The following PEX5L variants were observed in gnomAD, a reference collection of about 807,000 sequenced individuals.
The protein encoded by PEX5L is PEX5-related protein.
PEX5L carries 30 observed loss-of-function variants against 84.0 expected under a neutral mutation model. The ratio of observed to expected loss-of-function variants is 0.36; its 90% CI spans 0.27 to 0.48. The LOEUF (loss-of-function observed/expected upper bound fraction) is 0.48. Ranked by LOEUF, PEX5L falls within the 20% of genes least tolerant of loss-of-function variation. The pLI, the probability that PEX5L is intolerant of heterozygous loss-of-function variation, is 0.99. For missense variants in PEX5L, 533 were observed against 754.6 expected, an observed-to-expected ratio of 0.71 and a Z score of 3.44; for synonymous variants, 270 against 283.1, an observed-to-expected ratio of 0.95 and a Z score of 0.46.
chr3:179,988,258 G>A (rs4855133), intron 1 of PEX5L, among the ~76,000 whole-genome samples: 59,986 of 151,670 alleles, frequency 0.4, 12,609 homozygotes, highest in African/African-American at 0.55. Context: ...AAAATTAGCC[G>A]GGTGTGGTCA....
intron 1 of PEX5L, among the ~76,000 whole-genome samples, chr3:180,015,517 G>A (rs1789866238): frequency 6.6e-6 from 1 of 152,138 alleles, no homozygotes; most frequent in Admixed American, 6.5e-5. Flanking sequence ...TGGTGAGAGA[G>A]TCTTTAAAAT....
intron 2 of PEX5L, among the ~76,000 whole-genome samples, chr3:179,963,661 T>C (rs1327110254): frequency 1.3e-5 from 2 of 152,192 alleles, no homozygotes; most frequent in African/African-American, 2.4e-5. Context: ...TATAAACATG[T>C]AAAAAAGCAG....
intron 8 of PEX5L, among the ~76,000 whole-genome samples, chr3:179,840,848 G>A (rs1736981946): frequency 6.6e-6 from 1 of 152,094 alleles, no homozygotes; most frequent in African/African-American, 2.4e-5. Context: ...AAAATCAAGA[G>A]CTCGCTTTTA....
chr3:179,856,949 A>G (rs1201734286), intron 8 of PEX5L, among the ~76,000 whole-genome samples: 3 of 152,220 alleles, frequency 2.0e-5, no homozygotes, highest in Admixed American at 2.0e-4. Flanking sequence ...GGTTTGTCCA[A>G]ATTGGTCCTG....
intron 1 of PEX5L, among the ~76,000 whole-genome samples, chr3:180,000,719 G>A (rs183600561): frequency 6.6e-5 from 10 of 152,208 alleles, no homozygotes; most frequent in East Asian, 1.9e-4. Flanking sequence ...CCCTTATCAC[G>A]TGACATCAGA....
chr3:179,833,114 C>G (rs1290565943), intron 8 of PEX5L, among the ~76,000 whole-genome samples: 4 of 152,010 alleles, frequency 2.6e-5, no homozygotes, highest in African/African-American at 9.7e-5. Flanking sequence ...GGCAGTAGGG[C>G]CAAAGAGAGA....
chr3:180,026,133 CTTTTT>C (rs368852075), intron 1 of PEX5L, among the ~76,000 whole-genome samples: 5 of 101,758 alleles, frequency 4.9e-5, no homozygotes, highest in African/African-American at 6.9e-5. Flanking sequence ...TTTCAGCATT[CTTTTT>C]TTTTTTTTTT....
chr3:179,929,765 C>G (rs1162427471), intron 2 of PEX5L, among the ~76,000 whole-genome samples: 1 of 152,208 alleles, frequency 6.6e-6, no homozygotes, highest in East Asian at 1.9e-4. Context: ...CCCATGACAT[C>G]TTTTCCCAAA....
chr3:179,955,624 CATG>C (rs1253098107), intron 2 of PEX5L, among the ~76,000 whole-genome samples: 1 of 151,762 alleles, frequency 6.6e-6, no homozygotes, highest in African/African-American at 2.4e-5. Flanking sequence ...GGAGCCTCAG[CATG>C]ATTTTTGCTG....
intron 14 of PEX5L, among the ~76,000 whole-genome samples, chr3:179,805,260 A>G (rs1458434548): frequency 6.6e-6 from 1 of 151,570 alleles, no homozygotes; most frequent in Non-Finnish European, 1.5e-5. Flanking sequence ...GATACGTTCC[A>G]AAGTAGCCAA....
intron 2 of PEX5L, among the ~76,000 whole-genome samples, chr3:179,945,269 G>A (rs144019348): frequency 6.6e-6 from 1 of 152,260 alleles, no homozygotes; most frequent in African/African-American, 2.4e-5. Context: ...TAAGTATTGG[G>A]ACACCAGGGC....
At position 179,859,171 on chromosome 3, in the gene PEX5L, T is replaced by A. The variant is rs1362575533; in HGVS notation, c.727-14A>T. 1 of 1,573,752 alleles carries A rather than the reference T, an allele frequency of 6.4e-7. No homozygotes were observed. Among genetic ancestry groups the A allele is most frequent in the Non-Finnish European group, 8.7e-7 (1 of 1,143,348 alleles). On this transcript the variant is annotated splice_polypyrimidine_tract_variant and intron_variant, in intron 7 of 14. Coordinates refer to ENST00000467460, the MANE Select transcript of PEX5L (RefSeq NM_016559.3). ...GGTCAGTCGAGCCTGAAATCAATCA[T>A]ACACATAGTGTTATAATATTAGAAT...
rs182959585 is a variant in PEX5L at position 179,844,755 on chromosome 3, G to A, written c.822+14307C>T. 9.3e-3 allele frequency among the ~76,000 whole-genome samples: 1,411 copies of A among 152,208 alleles called. 7 individuals carry two copies. The highest frequency in any genetic ancestry group is 0.013 in the African/African-American group (531 of 41,542). ...TGAGGCAGGAGAATGGCGTGAACCC[G>A]GGAGGCAGAGCTTGCAGTGAGCCGA... On this transcript the variant is annotated intron_variant, in intron 8 of 14. Coordinates refer to ENST00000467460, the MANE Select transcript of PEX5L (RefSeq NM_016559.3).
At position 179,807,675 on chromosome 3, in the gene PEX5L, T is replaced by C. The variant is rs1721900562; in HGVS notation, c.1675A>G (p.Arg559Gly). Residue 559 changes from arginine to glycine, a missense_variant and splice_region_variant, in exon 14 of 15, where the codon AGA (arginine) becomes GGA (glycine). By Grantham distance (125) the Arg-to-Gly change is moderately radical. Coordinates refer to ENST00000467460, the MANE Select transcript of PEX5L (RefSeq NM_016559.3). ...GISCINLGAY[R>G]EAVSNFLTAL... Reference sequence around the variant, plus strand: ...CCTTGGCCTGTTGCTGTACTTCACCTGTAGGCGCCCAGGTTGATGCAGCTT... The same window carrying C: ...CCTTGGCCTGTTGCTGTACTTCACCCGTAGGCGCCCAGGTTGATGCAGCTT... 6.2e-7 allele frequency: 1 copy of C among 1,613,848 alleles called. No homozygotes were observed. Among genetic ancestry groups the C allele is most frequent in the African/African-American group, 1.3e-5 (1 of 74,948 alleles).
Position 180,010,266 on chromosome 3 carries a change from TC to T in PEX5L, c.21+26312del, listed in dbSNP as rs1217428012. Among the ~76,000 whole-genome samples, 28 of 138,142 alleles carry T rather than the reference TC, an allele frequency of 2.0e-4. 2 individuals carry two copies. Among genetic ancestry groups the T allele is most frequent in the African/African-American group, 4.3e-4 (15 of 34,696 alleles). The allele number at this position is 138,142 out of a possible 152,430, so 90.6% of individuals were successfully genotyped here. A position where few individuals can be genotyped will look rare whatever the true frequency, so the allele number is the denominator to read the frequency against. ...GGCCTCTTTTTTTTTTTTTTTTTTT[TC>T]TGTAGAGATGGAGGTCTTACTATGT... On this transcript the variant is annotated intron_variant, in intron 1 of 14. Coordinates refer to ENST00000467460, the MANE Select transcript of PEX5L (RefSeq NM_016559.3).
At chr3:179,840,061 G>A (rs1736474573) in intron 8 of PEX5L, among the ~76,000 whole-genome samples, 1 of 152,036 alleles carries the variant, frequency 6.6e-6, no homozygotes, top group Admixed American at 6.6e-5. Context: ...GGAGGGACAA[G>A]AGGGAATGAC....
chr3:179,842,079 G>T (rs1049404520), intron 8 of PEX5L, among the ~76,000 whole-genome samples: 1 of 152,168 alleles, frequency 6.6e-6, no homozygotes, highest in African/African-American at 2.4e-5. Context: ...CAACAAACTG[G>T]AATAATTTTG....
chr3:179,835,104 T>A (rs1159812953), intron 8 of PEX5L, among the ~76,000 whole-genome samples: 3 of 152,196 alleles, frequency 2.0e-5, no homozygotes, highest in Non-Finnish European at 4.4e-5. Flanking sequence ...AGGAGGCAGC[T>A]ATGTTCTTAG....
chr3:179,835,887 C>T (rs1734755906), intron 8 of PEX5L, among the ~76,000 whole-genome samples: 1 of 151,998 alleles, frequency 6.6e-6, no homozygotes, highest in Non-Finnish European at 1.5e-5. Flanking sequence ...AAAATTCACT[C>T]AAAATATGAG....
Sources: gnomAD v4.1 joint callset for allele counts (sites outside exome capture counted in the v4.1 genomes callset) on GRCh38, gnomAD v4.1.1 for gene constraint, MANE v1.5 for transcripts, NCBI Gene and HGNC (gene_info 2026-07-23, HGNC 2026-07-21) for gene names.